The following ZNF362 variants were observed in gnomAD, a reference collection of about 807,000 sequenced individuals.
ZNF362 encodes zinc finger protein 362.
Under a neutral mutation model 42.9 loss-of-function variants are expected in ZNF362, and 11 were observed. The ratio of observed to expected loss-of-function variants is 0.26; its 90% CI spans 0.16 to 0.42. The LOEUF is 0.42. Among genes scored for constraint, ZNF362 ranks in the 20% least tolerant of loss-of-function variants. The pLI, the probability that ZNF362 is intolerant of heterozygous loss-of-function variation, is 1.00. For missense variants in ZNF362, 362 were observed against 576.2 expected, an observed-to-expected ratio of 0.63 and a Z score of 3.81; for synonymous variants, 255 against 257.3, an observed-to-expected ratio of 0.99 and a Z score of 0.09.
At chr1:33,159,228 A>G in the ZNF362 span, among the ~76,000 whole-genome samples, 1 of 152,136 alleles carries the variant, frequency 6.6e-6, no homozygotes, top group Non-Finnish European at 1.5e-5. This position sits in a 1 kb window ranked among gnomAD's most constrained non-coding sequence, Gnocchi z 4.2. Flanking sequence ...AGTAATATAA[A>G]GCCTTTATAT....
In ZNF362 at chr1:33,276,618, CGGGGCCGGT is replaced by C. The variant is rs772445988; in HGVS notation, c.349+26_349+34del. 1,041 of 1,314,870 alleles carry C rather than the reference CGGGGCCGGT, an allele frequency of 7.9e-4. 11 individuals carry two copies. In the South Asian group the frequency reaches 9.6e-3, roughly 12 times the overall value. The allele number at this position is 1,314,870 out of a possible 1,614,324, so 81.5% of individuals were successfully genotyped here. A position where few individuals can be genotyped will look rare whatever the true frequency, so the allele number is the denominator to read the frequency against. ...AGGTAGGCCGAGCGGGCGGGGCCGG[CGGGGCCGGT>C]GAGGACTGGGCAGGAGGGGGCGGGC... On this transcript the variant is annotated intron_variant, in intron 4 of 8. Transcript: ENST00000539719.
intron 4 of ZNF362, among the ~76,000 whole-genome samples, chr1:33,277,693 G>T (rs1250850407): frequency 2.0e-5 from 3 of 152,178 alleles, no homozygotes; most frequent in African/African-American, 7.2e-5. Flanking sequence ...CAGGATGTAG[G>T]AGCATGAGGG....
chr1:33,146,117 G>A, the ZNF362 span: 51 of 266,132 alleles, frequency 1.9e-4, no homozygotes, highest in East Asian at 5.1e-3. Context: ...TGAATCTGGC[G>A]CTGGGAGTTC....
upstream of ZNF362, among the ~76,000 whole-genome samples, chr1:33,252,345 T>TC (rs1488496527): frequency 6.9e-6 from 1 of 144,900 alleles, no homozygotes. Context: ...AGAGTGAAAC[T>TC]CCATCTCAAA....
chr1:33,207,317 A>T, the ZNF362 span, among the ~76,000 whole-genome samples: 2 of 152,150 alleles, frequency 1.3e-5, no homozygotes, highest in Admixed American at 6.5e-5. Flanking sequence ...TCCATGGTGT[A>T]TATGTGCCAT....
chr1:33,203,222 A>C, the ZNF362 span, among the ~76,000 whole-genome samples: 1 of 151,994 alleles, frequency 6.6e-6, no homozygotes, highest in East Asian at 1.9e-4. Context: ...GAGATCATGC[A>C]ATATTTTCCT....
At chr1:33,296,240 A>G (rs376414267) in intron 8 of ZNF362, among the ~76,000 whole-genome samples, 12 of 152,312 alleles carry the variant, frequency 7.9e-5, no homozygotes, top group African/African-American at 2.4e-4. Context: ...TCTGAGCAGC[A>G]TTCCAGGCCT....
chr1:33,274,342 C>T (rs1206841471), intron 2 of ZNF362, among the ~76,000 whole-genome samples: 2 of 152,214 alleles, frequency 1.3e-5, no homozygotes, highest in Non-Finnish European at 2.9e-5. Context: ...GATAAGAGTA[C>T]CTACCTGCCT....
At chr1:33,232,229 G>A in the ZNF362 span, among the ~76,000 whole-genome samples, 1 of 152,130 alleles carries the variant, frequency 6.6e-6, no homozygotes, top group African/African-American at 2.4e-5. Context: ...GAGGTCTACA[G>A]AAAAGATTTT....
the ZNF362 span, among the ~76,000 whole-genome samples, chr1:33,179,210 G>T: frequency 1.3e-5 from 2 of 152,260 alleles, no homozygotes; most frequent in Non-Finnish European, 2.9e-5. Context: ...CGATGGCTCT[G>T]GGGGTGGAGG....
the ZNF362 span, among the ~76,000 whole-genome samples, chr1:33,200,528 A>G: frequency 6.6e-6 from 1 of 152,224 alleles, no homozygotes; most frequent in Non-Finnish European, 1.5e-5. Flanking sequence ...ATAAAAAAGC[A>G]AGGCACAGCT....
the ZNF362 span, chr1:33,165,491 G>T: frequency 2.5e-6 from 4 of 1,607,388 alleles, no homozygotes; most frequent in Non-Finnish European, 3.4e-6. This position sits in a 1 kb window ranked among gnomAD's most constrained non-coding sequence, Gnocchi z 4.0. Flanking sequence ...GCCAGTTGTC[G>T]CTTGAGCAGC....
chr1:33,130,513 T>A, the ZNF362 span, among the ~76,000 whole-genome samples: 72 of 152,284 alleles, frequency 4.7e-4, no homozygotes, highest in African/African-American at 1.6e-3. Context: ...TAGCAAGGAC[T>A]TGAGGACTTC....
chr1:33,197,347 A>G, the ZNF362 span, among the ~76,000 whole-genome samples: 16 of 151,248 alleles, frequency 1.1e-4, no homozygotes, highest in Admixed American at 2.0e-4. Context: ...TCCCTAATAA[A>G]CTCCCTTTCA....
chr1:33,188,301 CTA>C, the ZNF362 span, among the ~76,000 whole-genome samples: 1 of 152,152 alleles, frequency 6.6e-6, no homozygotes, highest in Non-Finnish European at 1.5e-5. Context: ...GATGACTTAG[CTA>C]TGCCTTCAAG....
the ZNF362 span, among the ~76,000 whole-genome samples, chr1:33,245,211 A>G: frequency 6.6e-6 from 1 of 152,102 alleles, no homozygotes; most frequent in Non-Finnish European, 1.5e-5. Flanking sequence ...CATTTAATCC[A>G]CTCAACCACC....
chr1:33,259,613 T>C (rs1157557753), intron 1 of ZNF362, among the ~76,000 whole-genome samples: 1 of 152,240 alleles, frequency 6.6e-6, no homozygotes, highest in African/African-American at 2.4e-5. Context: ...ATCTCAGTAA[T>C]CTACCCATCT....
At chr1:33,289,312 G>A (rs1646057637) in intron 6 of ZNF362, among the ~76,000 whole-genome samples, 1 of 152,158 alleles carries the variant, frequency 6.6e-6, no homozygotes. Flanking sequence ...AGGCCAGAAT[G>A]TGAAGGGCCT....
rs1316152165 is a variant in ZNF362 at position 33,263,767 on chromosome 1, A to G, written c.-88-6720A>G. Among the ~76,000 whole-genome samples the G allele has an allele frequency of 3.3e-5, 5 of 152,082 alleles. No homozygotes were observed. The East Asian group carries it at 9.6e-4, about 29-fold the overall frequency. ...CTATGTTGACTGATGATGGGGGAGG[A>G]GCAGAGGGAACAGCCTGGGCAGAGA... On this transcript the variant is annotated intron_variant, in intron 1 of 8. Transcript: ENST00000539719.
Sources: allele counts gnomAD v4.1 joint callset (sites outside exome capture counted in the v4.1 genomes callset), GRCh38; gene constraint gnomAD v4.1.1; non-coding constraint Gnocchi (gnomAD v3.1); transcripts MANE v1.5; gene names NCBI Gene and HGNC (gene_info 2026-07-23, HGNC 2026-07-21).